Variants in MMS22L observed in about 807,000 individuals in gnomAD.
MMS22L encodes protein MMS22-like.
MMS22L carries 74 observed loss-of-function variants against 159.1 expected under a neutral mutation model. That is an observed-to-expected ratio of 0.47 (90% CI 0.39 to 0.56). The LOEUF (loss-of-function observed/expected upper bound fraction) is 0.56. Among genes scored for constraint, MMS22L ranks in the 20% least tolerant of loss-of-function variants. The probability of loss-of-function intolerance (pLI) is 0.00; values close to 1 mark genes in which losing one functional copy is unlikely to be tolerated. For synonymous variants in MMS22L, 517 were observed against 506.9 expected (o/e 1.02, Z -0.27); for missense variants, 1,351 against 1,422.1 (o/e 0.95, Z 0.80).
chr6:97,191,757 C>A (rs1805886416), intron 14 of MMS22L, among the ~76,000 whole-genome samples: 1 of 152,168 alleles, frequency 6.6e-6, no homozygotes, highest in African/African-American at 2.4e-5. Context: ...ATCTTAGACA[C>A]TGAATCCTCT....
Position 97,233,461 on chromosome 6 carries a change from T to TC in MMS22L, c.1302+399dup, listed in dbSNP as rs576151298. On this transcript the variant is annotated intron_variant, in intron 12 of 24. Transcript: ENST00000683635. ...TGGAGTTCCACAATTATAACTTTTT[T>TC]CCCACAATGTATGTATACCCACCCA... is the stretch of plus-strand genomic sequence containing the variant. 1.2e-3 allele frequency among the ~76,000 whole-genome samples: 179 copies of TC among 152,250 alleles called. No individual in the cohort carries two copies. The South Asian group carries it at 0.016, about 13-fold the overall frequency.
chr6:97,264,010 C>G (rs936124613), intron 8 of MMS22L: 2 of 152,304 alleles, frequency 1.3e-5, no homozygotes, highest in Admixed American at 1.3e-4. Flanking sequence ...GCCCAGCCAG[C>G]AAACTTTTTC....
chr6:97,179,586 T>G lies in MMS22L; in HGVS notation c.2385-27A>C, dbSNP rs1307813064. 1.9e-6 allele frequency: 3 copies of G among 1,578,584 alleles called. No individual in the cohort carries two copies. The Admixed American group carries it at 5.7e-5, about 30-fold the overall frequency. On this transcript the variant is annotated intron_variant, in intron 16 of 24. Transcript: ENST00000683635. Reference sequence around the variant, plus strand: ...TGTAGAAACAAATTGACAAATATTTTTAAAACAAAAACGTTTCCTGAGTAT... The same window carrying G: ...TGTAGAAACAAATTGACAAATATTTGTAAAACAAAAACGTTTCCTGAGTAT...
At chr6:97,175,353 T>C (rs998594854) in intron 18 of MMS22L, among the ~76,000 whole-genome samples, 1 of 152,164 alleles carries the variant, frequency 6.6e-6, no homozygotes, top group Non-Finnish European at 1.5e-5. Flanking sequence ...TTCAAAAATA[T>C]ATGTGGCTGG....
rs759561428 is a variant in MMS22L at position 97,283,205 on chromosome 6, C to G, written c.-186G>C. 1 of 152,296 alleles carries G rather than the reference C, an allele frequency of 6.6e-6. No individual in the cohort carries two copies. Among genetic ancestry groups the G allele is most frequent in the South Asian group, 2.1e-4 (1 of 4,836 alleles). 9.4% of individuals were successfully genotyped at this position (152,296 alleles called of 1,614,324 possible). A position where few individuals can be genotyped will look rare whatever the true frequency, so the allele number is the denominator to read the frequency against. On this transcript the variant is annotated 5_prime_UTR_variant, in exon 1 of 25. Coordinates refer to ENST00000683635, the MANE Select transcript of MMS22L (RefSeq NM_001350599.2). ...CGAAATTCCCGCCACCGCGCGCCCG[C>G]GCTCCGGAAAGGCGGGGCCACGGCG...
intron 9 of MMS22L, among the ~76,000 whole-genome samples, chr6:97,258,403 AATGGTT>A (rs1814065546): frequency 6.6e-6 from 1 of 152,128 alleles, no homozygotes; most frequent in Non-Finnish European, 1.5e-5. Context: ...TTCACTACAG[AATGGTT>A]ATTTTGAAAC....
intron 22 of MMS22L, among the ~76,000 whole-genome samples, chr6:97,161,260 A>G (rs1802405141): frequency 6.6e-6 from 1 of 152,074 alleles, no homozygotes; most frequent in African/African-American, 2.4e-5. Flanking sequence ...CCATGTGAAG[A>G]CAATGGTTTT....
rs1348867892 is a variant in MMS22L, at chr6:97,272,889, A to G, written c.429-8T>C. 3.5e-5 allele frequency: 57 copies of G among 1,609,136 alleles called. No homozygotes were observed. The highest frequency in any genetic ancestry group is 4.8e-5 in the Non-Finnish European group (56 of 1,178,650). On this transcript the variant is annotated splice_region_variant and splice_polypyrimidine_tract_variant and intron_variant, in intron 5 of 24. Transcript: ENST00000683635. ...TTCTGTACTTTCAGATACCTAAAAA[A>G]TAATTAGATAAAATAAACAACTAGA...
intron 11 of MMS22L, among the ~76,000 whole-genome samples, chr6:97,240,492 CCTA>C (rs1193349862): frequency 6.6e-6 from 1 of 152,198 alleles, no homozygotes; most frequent in Non-Finnish European, 1.5e-5. Context: ...GGTCACCTGA[CCTA>C]CTTTTTTCCC....
Position 97,179,554 on chromosome 6 carries a change from A to C in MMS22L, c.2390T>G (p.Leu797Ter), listed in dbSNP as rs761263665. ...YLSHVLQNST[L>*]CEALSHSGYV... ...GCCTGAATGAGAAAGTGCTTCACAT[A>C]ATGTGCTGTAGAAACAAATTGACAA... The change falls in exon 17 of 25, where the codon TTA becomes TGA. Residue 797 changes from leucine (L) to a stop codon, truncating the protein, a stop_gained. Coordinates refer to ENST00000683635, the MANE Select transcript of MMS22L (RefSeq NM_001350599.2). LOFTEE classifies it high-confidence loss of function. The C allele has an allele frequency of 1.9e-6, 3 of 1,607,554 alleles. No homozygotes were observed. In the Admixed American group the frequency reaches 5.1e-5, roughly 27 times the overall value.
Position 97,179,580 on chromosome 6 carries a change from A to G in MMS22L, c.2385-21T>C, listed in dbSNP as rs755337483. 5 of 1,580,930 alleles carry G rather than the reference A, an allele frequency of 3.2e-6. No homozygotes were observed. The South Asian group carries it at 5.9e-5, about 19-fold the overall frequency. Reference sequence around the variant, plus strand: ...ATGTGCTGTAGAAACAAATTGACAAATATTTTTAAAACAAAAACGTTTCCT... The same window carrying G: ...ATGTGCTGTAGAAACAAATTGACAAGTATTTTTAAAACAAAAACGTTTCCT... On this transcript the variant is annotated intron_variant, in intron 16 of 24. Coordinates refer to ENST00000683635, the MANE Select transcript of MMS22L (RefSeq NM_001350599.2).
At chr6:97,251,318 C>T (rs956434478) in intron 10 of MMS22L, among the ~76,000 whole-genome samples, 3 of 152,120 alleles carry the variant, frequency 2.0e-5, no homozygotes, top group Non-Finnish European at 4.4e-5. Context: ...ATTTCTTTAC[C>T]TGTAAAATGA....
At chr6:97,242,402 C>A (rs1366471506) in intron 11 of MMS22L, among the ~76,000 whole-genome samples, 1 of 152,138 alleles carries the variant, frequency 6.6e-6, no homozygotes, top group Non-Finnish European at 1.5e-5. Flanking sequence ...TTGTCTGATA[C>A]AAGAATAGCT....
intron 18 of MMS22L, among the ~76,000 whole-genome samples, chr6:97,173,663 C>A (rs1803795174): frequency 6.6e-6 from 1 of 152,036 alleles, no homozygotes; most frequent in Non-Finnish European, 1.5e-5. Flanking sequence ...ACAAGCAAAA[C>A]CTCTAAAAAG....
At chr6:97,170,124 T>C (rs1044226264) in intron 19 of MMS22L, among the ~76,000 whole-genome samples, 78 of 152,174 alleles carry the variant, frequency 5.1e-4, no homozygotes, top group African/African-American at 1.8e-3. Flanking sequence ...TAAGTATGTA[T>C]GTATAGGCAA....
intron 4 of MMS22L, among the ~76,000 whole-genome samples, chr6:97,278,497 G>A (rs1208269321): frequency 6.7e-6 from 1 of 150,022 alleles, no homozygotes; most frequent in Non-Finnish European, 1.5e-5. Flanking sequence ...AAACACAAAA[G>A]CAGAAAGCAG....
chr6:97,181,424 T>C (rs1023328426), intron 16 of MMS22L, among the ~76,000 whole-genome samples: 4 of 151,982 alleles, frequency 2.6e-5, no homozygotes, highest in African/African-American at 9.7e-5. Flanking sequence ...AAGGAAGACA[T>C]TGTTCAGGTG....
At chr6:97,213,962 A>G (rs1017750479) in intron 14 of MMS22L, among the ~76,000 whole-genome samples, 2 of 152,134 alleles carry the variant, frequency 1.3e-5, no homozygotes, top group East Asian at 3.8e-4. Flanking sequence ...TTAAAAAAAA[A>G]TTTTCTAGTC....
chr6:97,196,691 A>G (rs1806551606), intron 14 of MMS22L, among the ~76,000 whole-genome samples: 1 of 152,138 alleles, frequency 6.6e-6, no homozygotes, highest in Admixed American at 6.5e-5. Flanking sequence ...AGGATTGCCT[A>G]ATATATTTAT....
Sources: gnomAD v4.1 joint callset for allele counts (sites outside exome capture counted in the v4.1 genomes callset) on GRCh38, gnomAD v4.1.1 for gene constraint, MANE v1.5 for transcripts, NCBI Gene and HGNC (gene_info 2026-07-23, HGNC 2026-07-21) for gene names.